NLRP1: variants seen among roughly 807,000 people sequenced by gnomAD.
The protein encoded by NLRP1 is NLR family pyrin domain containing 1.
Under a neutral mutation model 136.7 loss-of-function variants are expected in NLRP1, and 94 were observed. The ratio of observed to expected loss-of-function variants is 0.69; its 90% CI spans 0.58 to 0.82. The LOEUF (loss-of-function observed/expected upper bound fraction) is 0.82, where lower values mean the gene tolerates loss of function less well. Ranked by LOEUF, NLRP1 falls within the 40% of genes least tolerant of loss-of-function variation. The probability of loss-of-function intolerance (pLI) is 0.00; values close to 1 mark genes in which losing one functional copy is unlikely to be tolerated. For synonymous variants in NLRP1, 690 were observed against 725.1 expected (o/e 0.95, Z 0.78); for missense variants, 1,575 against 1,802.7 (o/e 0.87, Z 2.29).
At chr17:5,561,726 A>G (rs1248369435) in intron 3 of NLRP1, among the ~76,000 whole-genome samples, 29,651 of 119,542 alleles carry the variant, frequency 0.25, 6,251 homozygotes, top group Non-Finnish European at 0.27. Context: ...TACAGGCGTG[A>G]GCCACCGCGC....
chr17:5,511,904 G>C, downstream of NLRP1: 1 of 172,944 alleles, frequency 5.8e-6, no homozygotes. Flanking sequence ...GTTGAAAATT[G>C]TTTTTGACCA....
chr17:5,525,054 GAGA>G (rs1432362523), intron 12 of NLRP1, among the ~76,000 whole-genome samples: 2 of 152,212 alleles, frequency 1.3e-5, no homozygotes, highest in African/African-American at 2.4e-5. Context: ...TGGTCTGAAG[GAGA>G]AGAAGGTTGA....
chr17:5,533,380 CCT>C lies in NLRP1; in HGVS notation c.3055_3056del (p.Arg1019GlyfsTer9), dbSNP rs1222215241. The C allele has an allele frequency of 8.8e-7, 1 of 1,140,240 alleles. No homozygotes were observed. The highest frequency in any genetic ancestry group is 1.3e-6 in the Non-Finnish European group (1 of 772,478). The allele number at this position is 1,140,240 out of a possible 1,614,324, so 70.6% of individuals were successfully genotyped here. A position where few individuals can be genotyped will look rare whatever the true frequency, so the allele number is the denominator to read the frequency against. On this transcript the variant is annotated frameshift_variant and splice_region_variant, in exon 10 of 17. Coordinates refer to ENST00000572272, the MANE Select transcript of NLRP1 (RefSeq NM_033004.4). LOFTEE classifies it high-confidence loss of function. ...TAGCCTGAGCAACATGGGAAGCCGCCCTCTCTACAGAAAAAAGAAAAATATCA... is the reference window on the plus strand; with the variant it reads ...TAGCCTGAGCAACATGGGAAGCCGCCCTCTACAGAAAAAAGAAAAATATCA... Reference protein sequence around the residue: ...SLKRQRLGSERAASHVAQANL... With the variant: ...SLKRQRLGSEXAASHVAQANL...
At chr17:5,582,889 C>T (rs1372602227) in intron 1 of NLRP1, 43 bp from the exon 2 acceptor site, 4 of 1,511,536 alleles carry the variant, frequency 2.6e-6, no homozygotes, top group Non-Finnish European at 3.6e-6. Flanking sequence ...ATCAGAGGGG[C>T]AGGGGCAAGG....
intron 4 of NLRP1, among the ~76,000 whole-genome samples, chr17:5,557,698 G>A (rs965579789): frequency 5.9e-5 from 9 of 152,358 alleles, no homozygotes; most frequent in Non-Finnish European, 1.2e-4. Flanking sequence ...TCGGGGAACC[G>A]GGATGGGGAA....
chr17:5,558,513 T>TCG lies in NLRP1; in HGVS notation c.2182_2183insCG (p.Lys728ThrfsTer5), dbSNP rs1361193240. On this transcript the variant is annotated frameshift_variant, in exon 4 of 17. Transcript: ENST00000572272. LOFTEE classifies it high-confidence loss of function. ...GGCCATCACTTGTGTCAGGAACGTT[T>TCG]TGTTCCGAGTCTCGTACAAGCAGTG... is the stretch of plus-strand genomic sequence containing the variant. The TCG allele has an allele frequency of 1.9e-6, 3 of 1,614,046 alleles. No individual in the cohort carries two copies. In the South Asian group the frequency reaches 3.3e-5, roughly 18 times the overall value.
At chr17:5,538,327 G>C (rs1397194880) in intron 7 of NLRP1, among the ~76,000 whole-genome samples, 1 of 150,610 alleles carries the variant, frequency 6.6e-6, no homozygotes, top group Non-Finnish European at 1.5e-5. Context: ...AATGAGGGCT[G>C]GGGGCTCACT....
At chr17:5,502,358 C>T (rs1305843716) in intron 15 of NLRP1, 6 of 165,224 alleles carry the variant, frequency 3.6e-5, no homozygotes, top group South Asian at 1.4e-4. Flanking sequence ...GGAGCGGTCT[C>T]GGCTCACTGC....
chr17:5,523,450 CAT>C (rs892889388), intron 12 of NLRP1, among the ~76,000 whole-genome samples: 1 of 152,186 alleles, frequency 6.6e-6, no homozygotes, highest in African/African-American at 2.4e-5. Context: ...TTCTCTGAGT[CAT>C]TGGGTCACTA....
At chr17:5,525,440 G>GTCC (rs1230910523) in intron 12 of NLRP1, among the ~76,000 whole-genome samples, 1 of 152,232 alleles carries the variant, frequency 6.6e-6, no homozygotes, top group Non-Finnish European at 1.5e-5. Context: ...TGCTCCTGCT[G>GTCC]TCCAGGAGCC....
At chr17:5,581,007 C>A (rs1322161906) in intron 3 of NLRP1, among the ~76,000 whole-genome samples, 1 of 152,196 alleles carries the variant, frequency 6.6e-6, no homozygotes, top group East Asian at 1.9e-4. Context: ...TTTTGAATGG[C>A]AAGTGGTGTG....
intron 3 of NLRP1, among the ~76,000 whole-genome samples, chr17:5,571,628 T>C (rs1458358623): frequency 1.3e-5 from 2 of 152,224 alleles, no homozygotes; most frequent in East Asian, 1.9e-4. Context: ...AAACATTCCA[T>C]GCTCATGAAT....
intron 15 of NLRP1, among the ~76,000 whole-genome samples, chr17:5,506,484 C>T (rs1381102712): frequency 6.6e-6 from 1 of 152,126 alleles, no homozygotes; most frequent in African/African-American, 2.4e-5. Flanking sequence ...ATGTTCATGG[C>T]AGCATTACTC....
rs1025919401 is a variant in NLRP1 at position 5,541,638 on chromosome 17, C to T, written c.2699+219G>A. 1.3e-5 allele frequency among the ~76,000 whole-genome samples: 2 copies of T among 152,178 alleles called. No homozygotes were observed. Among genetic ancestry groups the T allele is most frequent in the African/African-American group, 4.8e-5 (2 of 41,436 alleles). On this transcript the variant is annotated intron_variant, in intron 6 of 16. Transcript: ENST00000572272. The surrounding 1 kb of genome is among the most constrained non-coding windows in gnomAD (Gnocchi z 4.2). ...CACCTTGCATTCACGTCCCTTGACT[C>T]GACTTGGCTTCTCTTGCTGTATTTG... is the stretch of plus-strand genomic sequence containing the variant.
chr17:5,581,831 C>A lies in NLRP1; in HGVS notation c.652+28G>T, dbSNP rs201514737. On this transcript the variant is annotated intron_variant, in intron 3 of 16. Transcript: ENST00000572272. ...TACATTTGCCTCTCCCACCTCACCACCCCGCCAGGAGCTCAGTAGGGTCTC... is the reference window on the plus strand; with the variant it reads ...TACATTTGCCTCTCCCACCTCACCAACCCGCCAGGAGCTCAGTAGGGTCTC... 1.3e-5 allele frequency: 20 copies of A among 1,589,594 alleles called. No homozygotes were observed. In the East Asian group the frequency reaches 2.2e-4, roughly 18 times the overall value.
At chr17:5,533,667 C>T (rs1910642522) in intron 9 of NLRP1, among the ~76,000 whole-genome samples, 1 of 150,696 alleles carries the variant, frequency 6.6e-6, no homozygotes, top group Non-Finnish European at 1.5e-5. Flanking sequence ...TTGATACATG[C>T]CATAGACGTT....
At position 5,584,017 on chromosome 17, in the gene NLRP1, C is replaced by T; in HGVS notation, c.-60G>A. The T allele has an allele frequency of 2.0e-6, 3 of 1,530,016 alleles. No homozygotes were observed. Among genetic ancestry groups the T allele is most frequent in the Non-Finnish European group, 2.7e-6 (3 of 1,126,070 alleles). The allele number at this position is 1,530,016 out of a possible 1,614,324, so 94.8% of individuals were successfully genotyped here. ...GTTCCCAGGTGGTGAGGGTATCAGG[C>T]AGGCAGAGAACAGTGCTGTCCTTTG... On this transcript the variant is annotated 5_prime_UTR_variant, in exon 1 of 17. Coordinates refer to ENST00000572272, the MANE Select transcript of NLRP1 (RefSeq NM_033004.4).
rs970106555 is a variant in NLRP1 at position 5,517,358 on chromosome 17, C to G, written c.4057+388G>C. On this transcript the variant is annotated intron_variant, in intron 15 of 16. Transcript: ENST00000572272. ...GTGATAGTGCACTCTGCACCCCCCC[C>G]CCTCCCACATACACAGACTTTCTTC... Among the ~76,000 whole-genome samples, 25 of 91,454 alleles carry G rather than the reference C, an allele frequency of 2.7e-4. 9 individuals carry two copies. Among genetic ancestry groups the G allele is most frequent in the Non-Finnish European group, 5.7e-4 (22 of 38,572 alleles). 60.0% of individuals were successfully genotyped at this position (91,454 alleles called of 152,430 possible). A position where few individuals can be genotyped will look rare whatever the true frequency, so the allele number is the denominator to read the frequency against.
chr17:5,559,106 C>T lies in NLRP1; in HGVS notation c.1590G>A (p.Leu530=), dbSNP rs748743328. The T allele has an allele frequency of 5.6e-6, 9 of 1,614,086 alleles. No homozygotes were observed. ...PWVSWLACTC[L]MQQMKRKEKL... is the part of the protein sequence containing the mutation. ...TTTCCTTCCGCTTCATCTGCTGCAT[C>T]AGGCAAGTGCAGGCCAGCCAGGACA... Residue 530 remains leucine, a synonymous_variant, in exon 4 of 17, where the codon CTG becomes CTA. Coordinates refer to ENST00000572272, the MANE Select transcript of NLRP1 (RefSeq NM_033004.4).
Sources: allele counts gnomAD v4.1 joint callset (sites outside exome capture counted in the v4.1 genomes callset), GRCh38; gene constraint gnomAD v4.1.1; non-coding constraint Gnocchi (gnomAD v3.1); transcripts MANE v1.5; gene names NCBI Gene and HGNC (gene_info 2026-07-23, HGNC 2026-07-21).